The following COMMD1 variants were observed in gnomAD, a reference collection of about 807,000 sequenced individuals.
The protein encoded by COMMD1 is copper metabolism domain containing 1.
Under a neutral mutation model 17.2 loss-of-function variants are expected in COMMD1, and 10 were observed. The observed-to-expected ratio is 0.58, with a 90% CI of 0.36 to 0.99. The LOEUF is 0.99. COMMD1 is among the 50% of genes least tolerant of loss of function. COMMD1 has a pLI of 0.01. For missense variants in COMMD1, 270 were observed against 231.8 expected (o/e 1.17, Z -1.07); for synonymous variants, 97 against 91.6 (o/e 1.06, Z -0.34).
chr2:61,921,047 G>A (rs906099774), intron 1 of COMMD1, among the ~76,000 whole-genome samples: 6 of 147,940 alleles, frequency 4.1e-5, no homozygotes, highest in Admixed American at 6.8e-5. Context: ...GTGGGATCTC[G>A]GCTCACTGCA....
intron 2 of COMMD1, among the ~76,000 whole-genome samples, chr2:62,075,214 C>G (rs1671309431): frequency 6.6e-6 from 1 of 151,924 alleles, no homozygotes; most frequent in African/African-American, 2.4e-5. Context: ...TTAAAAATTT[C>G]AATTACATGT....
At chr2:61,921,134 C>G (rs1257087659) in intron 1 of COMMD1, among the ~76,000 whole-genome samples, 1 of 151,460 alleles carries the variant, frequency 6.6e-6, no homozygotes, top group East Asian at 1.9e-4. Context: ...CGTGCCTGGC[C>G]AAGTTTTGTA....
chr2:61,993,894 C>T (rs2103786189), intron 1 of COMMD1, among the ~76,000 whole-genome samples: 1 of 152,232 alleles, frequency 6.6e-6, no homozygotes, highest in South Asian at 2.1e-4. Flanking sequence ...TGAGTTGTGA[C>T]ATAATATTGT....
chr2:61,985,894 A>G (rs554616845), intron 1 of COMMD1, among the ~76,000 whole-genome samples: 1 of 152,136 alleles, frequency 6.6e-6, no homozygotes, highest in South Asian at 2.1e-4. Context: ...TACTCACAAT[A>G]TGAGTAGTTC....
At chr2:61,917,104 A>G (rs1391539335) in intron 1 of COMMD1, among the ~76,000 whole-genome samples, 1 of 152,120 alleles carries the variant, frequency 6.6e-6, no homozygotes. Flanking sequence ...CTGTAATCCC[A>G]GCACTTTTGG....
intron 1 of COMMD1, among the ~76,000 whole-genome samples, chr2:61,962,460 A>G (rs1014324618): frequency 6.6e-5 from 10 of 152,186 alleles, no homozygotes; most frequent in Non-Finnish European, 1.3e-4. Flanking sequence ...TGAATGACAC[A>G]GGATGGGGAT....
chr2:61,920,938 C>T (rs912687019), intron 1 of COMMD1, among the ~76,000 whole-genome samples: 9 of 135,396 alleles, frequency 6.6e-5, no homozygotes, highest in South Asian at 2.4e-4. Flanking sequence ...TATACATATA[C>T]GTGTGTTTGT....
intron 2 of COMMD1, among the ~76,000 whole-genome samples, chr2:62,129,981 C>T (rs947216441): frequency 2.0e-5 from 3 of 152,056 alleles, no homozygotes; most frequent in Admixed American, 1.3e-4. Context: ...CGAGATCATC[C>T]TGGCTAACAC....
chr2:62,020,985 A>G (rs1042654146), intron 2 of COMMD1, among the ~76,000 whole-genome samples: 1 of 152,000 alleles, frequency 6.6e-6, no homozygotes, highest in Non-Finnish European at 1.5e-5. Context: ...CCTGTGCAAC[A>G]AGAGCAAAAG....
At chr2:61,964,827 C>G (rs1671465253) in intron 1 of COMMD1, among the ~76,000 whole-genome samples, 1 of 152,108 alleles carries the variant, frequency 6.6e-6, no homozygotes, top group South Asian at 2.1e-4. Flanking sequence ...AAGCTGGGAT[C>G]ATGCCACTGC....
intron 1 of COMMD1, among the ~76,000 whole-genome samples, chr2:61,971,282 C>T (rs992145940): frequency 4.6e-5 from 7 of 152,184 alleles, no homozygotes; most frequent in Non-Finnish European, 1.0e-4. Flanking sequence ...CAAGTCCTGC[C>T]CCTGCACCCT....
chr2:62,045,691 C>T (rs1461144151), intron 2 of COMMD1, among the ~76,000 whole-genome samples: 1 of 145,708 alleles, frequency 6.9e-6, no homozygotes, highest in Admixed American at 6.9e-5. Context: ...TGTGAGCCAC[C>T]AAATCTGGCC....
intron 1 of COMMD1, among the ~76,000 whole-genome samples, chr2:61,942,402 CTGTT>C (rs1043514739): frequency 4.0e-5 from 6 of 151,048 alleles, no homozygotes; most frequent in Admixed American, 3.3e-4. Context: ...CCACGCCTGG[CTGTT>C]TGTTTGTTGG....
intron 1 of COMMD1, among the ~76,000 whole-genome samples, chr2:61,995,088 T>G (rs1290614555): frequency 1.2e-5 from 1 of 82,420 alleles, no homozygotes; most frequent in Non-Finnish European, 2.3e-5. Context: ...GTTATCAGAT[T>G]CAGCTTAAAA....
chr2:62,046,966 G>A (rs908043099), intron 2 of COMMD1, among the ~76,000 whole-genome samples: 12 of 152,170 alleles, frequency 7.9e-5, no homozygotes, highest in East Asian at 1.9e-4. Flanking sequence ...CTGCAGACAC[G>A]AGCCAGAGTT....
At chr2:62,012,151 G>A (rs888417709) in intron 2 of COMMD1, among the ~76,000 whole-genome samples, 3 of 151,702 alleles carry the variant, frequency 2.0e-5, no homozygotes, top group Non-Finnish European at 4.4e-5. Flanking sequence ...CAGCTGCTTG[G>A]GAGGCTGAGG....
intron 2 of COMMD1, among the ~76,000 whole-genome samples, chr2:62,082,772 AT>A (rs1558591259): frequency 1.3e-5 from 2 of 152,098 alleles, no homozygotes; most frequent in African/African-American, 4.8e-5. Flanking sequence ...AGGCAGAAGA[AT>A]TTTTTTGTTT....
chr2:62,104,114 T>G (rs951509923), intron 2 of COMMD1, among the ~76,000 whole-genome samples: 1 of 152,172 alleles, frequency 6.6e-6, no homozygotes, highest in African/African-American at 2.4e-5. Context: ...GTGCTAAGAT[T>G]ACAGGCATGA....
intron 2 of COMMD1, among the ~76,000 whole-genome samples, chr2:62,121,370 T>TAAAAAAAAAAA (rs1289823352): frequency 6.7e-5 from 1 of 15,024 alleles, no homozygotes; most frequent in Non-Finnish European, 1.0e-4. Flanking sequence ...AGACTCTTTC[T>TAAAAAAAAAAA]CAAAAAAAAA....
Sources: allele counts gnomAD v4.1 joint callset (sites outside exome capture counted in the v4.1 genomes callset), GRCh38; gene constraint gnomAD v4.1.1; transcripts MANE v1.5; gene names NCBI Gene and HGNC (gene_info 2026-07-23, HGNC 2026-07-21).